The following BRAF variants were observed in gnomAD, a reference collection of about 807,000 sequenced individuals.
BRAF encodes serine/threonine-protein kinase B-raf.
In BRAF, 16 loss-of-function variants were observed where a neutral mutation model predicts 104.6. The ratio of observed to expected loss-of-function variants is 0.15; its 90% CI spans 0.10 to 0.23. The LOEUF is 0.23. BRAF is among the 10% of genes least tolerant of loss of function. The pLI is 1.00. For synonymous variants in BRAF, 310 were observed against 341.6 expected (o/e 0.91, Z 1.02); for missense variants, 541 against 937.3 (o/e 0.58, Z 5.52).
chr7:140,769,692 G>A (rs1012473769), intron 14 of BRAF, among the ~76,000 whole-genome samples: 4 of 152,048 alleles, frequency 2.6e-5, no homozygotes, highest in South Asian at 2.1e-4. Flanking sequence ...TGATGAACAT[G>A]TTTCCAATTT....
At chr7:140,877,195 C>T (rs1009467525) in intron 1 of BRAF, among the ~76,000 whole-genome samples, 1 of 149,826 alleles carries the variant, frequency 6.7e-6, no homozygotes, top group Non-Finnish European at 1.5e-5. Context: ...AATGAAAATA[C>T]AGCATACTAA....
At chr7:140,740,934 C>T (rs1234944340) in intron 17 of BRAF, 1 of 152,206 alleles carries the variant, frequency 6.6e-6, no homozygotes, top group Non-Finnish European at 1.5e-5. Flanking sequence ...ATGCCCCCTA[C>T]TGAAGCTACA....
intron 3 of BRAF, among the ~76,000 whole-genome samples, chr7:140,825,573 T>C (rs1805958645): frequency 6.6e-6 from 1 of 152,198 alleles, no homozygotes; most frequent in South Asian, 2.1e-4. Context: ...TGTGTTCAAT[T>C]TCCTTTATAC....
At chr7:140,846,538 T>C (rs1027741619) in intron 2 of BRAF, among the ~76,000 whole-genome samples, 1 of 152,114 alleles carries the variant, frequency 6.6e-6, no homozygotes, top group Non-Finnish European at 1.5e-5. Flanking sequence ...AATAGAGATT[T>C]AGTGTTTAAA....
intron 1 of BRAF, among the ~76,000 whole-genome samples, chr7:140,902,231 GCTGT>G (rs1463987391): frequency 1.4e-4 from 21 of 152,192 alleles, no homozygotes; most frequent in African/African-American, 5.1e-4. Flanking sequence ...GCATTATTAT[GCTGT>G]CTATTTTAGT....
At chr7:140,895,920 T>G (rs189193319) in intron 1 of BRAF, among the ~76,000 whole-genome samples, 4 of 152,190 alleles carry the variant, frequency 2.6e-5, no homozygotes, top group Non-Finnish European at 5.9e-5. Flanking sequence ...CTGACTTCCC[T>G]TCCTTTGGGT....
At chr7:140,782,244 G>C (rs984126298) in intron 11 of BRAF, among the ~76,000 whole-genome samples, 1 of 152,048 alleles carries the variant, frequency 6.6e-6, no homozygotes. Flanking sequence ...TTATTTATGG[G>C]GTATGAGCAG....
chr7:140,746,183 A>T (rs10244409), intron 17 of BRAF, among the ~76,000 whole-genome samples: 1,600 of 152,322 alleles, frequency 0.011, 31 homozygotes, highest in African/African-American at 0.036. Context: ...AATACACTTG[A>T]AATAACAGAT....
intron 9 of BRAF, among the ~76,000 whole-genome samples, chr7:140,786,027 CTG>C (rs1255845999): frequency 1.3e-5 from 2 of 152,162 alleles, no homozygotes; most frequent in Non-Finnish European, 2.9e-5. Flanking sequence ...ACTAAGCAGG[CTG>C]TGTTTATGAC....
At chr7:140,887,829 T>C (rs987783596) in intron 1 of BRAF, among the ~76,000 whole-genome samples, 1 of 152,118 alleles carries the variant, frequency 6.6e-6, no homozygotes, top group Admixed American at 6.6e-5. Context: ...TCCTCCCACC[T>C]TGGCCACCCA....
At chr7:140,731,790 A>C (rs952742624) in intron 19 of BRAF, 1 of 152,240 alleles carries the variant, frequency 6.6e-6, no homozygotes, top group Non-Finnish European at 1.5e-5. Context: ...TAAAATCAAG[A>C]AGACAAATCT....
intron 7 of BRAF, among the ~76,000 whole-genome samples, chr7:140,796,706 C>T (rs1685209034): frequency 6.6e-6 from 1 of 152,176 alleles, no homozygotes; most frequent in Non-Finnish European, 1.5e-5. Flanking sequence ...AAGTCAACTT[C>T]TCTAGCTTTC....
chr7:140,786,877 C>T lies in BRAF; in HGVS notation c.1177+671G>A, dbSNP rs545145283. ...TCAAGATGGTTAGAAATTAATAAAGCGGGTATAAAAATTAAGGATCTTTCC... is the reference window on the plus strand; with the variant it reads ...TCAAGATGGTTAGAAATTAATAAAGTGGGTATAAAAATTAAGGATCTTTCC... On this transcript the variant is annotated intron_variant, in intron 9 of 19. Coordinates refer to ENST00000644969, the MANE Select transcript of BRAF (RefSeq NM_001374258.1). Among the ~76,000 whole-genome samples, 14 of 152,212 alleles carry T rather than the reference C, an allele frequency of 9.2e-5. No individual in the cohort carries two copies. The South Asian group carries it at 1.2e-3, about 14-fold the overall frequency.
chr7:140,861,244 G>T (rs990581476), intron 1 of BRAF, among the ~76,000 whole-genome samples: 2 of 152,218 alleles, frequency 1.3e-5, no homozygotes, highest in African/African-American at 2.4e-5. Context: ...AAAGTTCACA[G>T]TCAGGTTCCC....
intron 14 of BRAF, among the ~76,000 whole-genome samples, chr7:140,767,289 C>T (rs567129880): frequency 6.6e-6 from 1 of 152,234 alleles, no homozygotes; most frequent in South Asian, 2.1e-4. Flanking sequence ...CAGGCATGAA[C>T]CACCGTGCCC....
At chr7:140,833,373 C>G (rs1330550883) in intron 3 of BRAF, among the ~76,000 whole-genome samples, 1 of 152,186 alleles carries the variant, frequency 6.6e-6, no homozygotes. Flanking sequence ...CTCATGAATA[C>G]AGACAATAAA....
chr7:140,871,418 C>A (rs1038195297), intron 1 of BRAF, among the ~76,000 whole-genome samples: 2 of 152,222 alleles, frequency 1.3e-5, no homozygotes, highest in East Asian at 3.9e-4. Context: ...CACACATACA[C>A]ATATTGAGAA....
At chr7:140,886,369 A>G (rs983438035) in intron 1 of BRAF, among the ~76,000 whole-genome samples, 1 of 152,186 alleles carries the variant, frequency 6.6e-6, no homozygotes, top group Non-Finnish European at 1.5e-5. Flanking sequence ...TAACTGATTC[A>G]CAACACTCCC....
rs1039745531 is a variant in BRAF at position 140,882,173 on chromosome 7, C to T, written c.139-31961G>A. On this transcript the variant is annotated intron_variant, in intron 1 of 19. Transcript: ENST00000644969. ...AATTCCACATATAATTCCTGCAATG[C>T]TTTACAGTTGTCAAATAAAAAAATG... 3.3e-5 allele frequency among the ~76,000 whole-genome samples: 5 copies of T among 152,158 alleles called. No individual in the cohort carries two copies. In the East Asian group the frequency reaches 7.7e-4, roughly 23 times the overall value.
Sources: gnomAD v4.1 joint callset for allele counts (sites outside exome capture counted in the v4.1 genomes callset) on GRCh38, gnomAD v4.1.1 for gene constraint, MANE v1.5 for transcripts, NCBI Gene and HGNC (gene_info 2026-07-23, HGNC 2026-07-21) for gene names.